SLC7A6OS: variants seen among roughly 807,000 people sequenced by gnomAD.
The protein encoded by SLC7A6OS is probable RNA polymerase II nuclear localization protein SLC7A6OS.
SLC7A6OS carries 22 observed loss-of-function variants against 34.3 expected under a neutral mutation model. That is an observed-to-expected ratio of 0.64 (90% CI 0.46 to 0.92). The LOEUF (loss-of-function observed/expected upper bound fraction) is 0.92, where lower values mean the gene tolerates loss of function less well. SLC7A6OS is among the 40% of genes least tolerant of loss of function. SLC7A6OS has a pLI of 0.00. For synonymous variants in SLC7A6OS, 199 were observed against 165.0 expected, an observed-to-expected ratio of 1.21 and a Z score of -1.58; for missense variants, 434 against 407.7, an observed-to-expected ratio of 1.06 and a Z score of -0.56.
At chr16:68,307,088 G>T (rs555318495) in intron 2 of SLC7A6OS, among the ~76,000 whole-genome samples, 1 of 152,280 alleles carries the variant, frequency 6.6e-6, no homozygotes, top group African/African-American at 2.4e-5. Flanking sequence ...ATGGTTATCA[G>T]TTCTAAGGGT....
chr16:68,301,239 G>A lies in SLC7A6OS; in HGVS notation c.*36C>T. 6.2e-7 allele frequency: 1 copy of A among 1,603,622 alleles called. No individual in the cohort carries two copies. Among genetic ancestry groups the A allele is most frequent in the Non-Finnish European group, 8.5e-7 (1 of 1,173,446 alleles). On this transcript the variant is annotated 3_prime_UTR_variant, in exon 5 of 5. Coordinates refer to ENST00000263997, the MANE Select transcript of SLC7A6OS (RefSeq NM_032178.3). ...TAACTCTGGACTCAGAGCCCTCAAG[G>A]GCATGTGGCAGAACCTCATGGACAT...
intron 4 of SLC7A6OS, 56 bp from the exon 5 acceptor site, chr16:68,301,461 G>T: frequency 6.6e-7 from 1 of 1,522,618 alleles, no homozygotes; most frequent in Non-Finnish European, 9.0e-7. Context: ...GCTACTGCAG[G>T]AGCCCCTTCT....
intron 2 of SLC7A6OS, among the ~76,000 whole-genome samples, chr16:68,305,300 T>C (rs1167373379): frequency 1.3e-5 from 2 of 152,178 alleles, no homozygotes; most frequent in African/African-American, 2.4e-5. Flanking sequence ...TGGCTTGCCA[T>C]ATATTGACAT....
rs754300004 is a variant in SLC7A6OS, at chr16:68,310,506, C to T, written c.300G>A (p.Glu100=). ...GGCTGGAAAGCACCCGGTAGCGGCC[C>T]TCCTGCCGGACCTCCCGAGCCGAGG... The part of the protein sequence containing the change: ...LRASAREVRQ[E]GRYRVLSSRR... The change falls in exon 2 of 5, where the codon GAG becomes GAA. Residue 100 remains glutamate, a synonymous_variant. Coordinates refer to ENST00000263997, the MANE Select transcript of SLC7A6OS (RefSeq NM_032178.3). 2 of 1,584,250 alleles carry T rather than the reference C, an allele frequency of 1.3e-6. No individual in the cohort carries two copies. The highest frequency in any genetic ancestry group is 4.7e-5 in the East Asian group (2 of 43,004).
intron 2 of SLC7A6OS, among the ~76,000 whole-genome samples, chr16:68,308,762 G>C (rs758036874): frequency 1.3e-5 from 2 of 151,720 alleles, no homozygotes; most frequent in African/African-American, 2.4e-5. Context: ...TATCAAGAGA[G>C]GGCATATTGG....
intron 2 of SLC7A6OS, among the ~76,000 whole-genome samples, chr16:68,309,371 A>T (rs568324549): frequency 2.0e-5 from 3 of 150,646 alleles, no homozygotes; most frequent in African/African-American, 4.9e-5. Flanking sequence ...GGAGTATTTT[A>T]TTTTTTTTTG....
chr16:68,310,423 G>T lies in SLC7A6OS; in HGVS notation c.383C>A (p.Pro128Gln), dbSNP rs767939983. The T allele has an allele frequency of 1.2e-6, 2 of 1,609,322 alleles. No homozygotes were observed. The highest frequency in any genetic ancestry group is 1.3e-5 in the African/African-American group (1 of 74,996). ...GQESEYTPGN[P>Q]EAAGNSGFQL... ...AAAGCCCGAGTTCCCGGCGGCTTCTGGGTTCCCCGGCGTGTACTCGGACTC... is the reference window on the plus strand; with the variant it reads ...AAAGCCCGAGTTCCCGGCGGCTTCTTGGTTCCCCGGCGTGTACTCGGACTC... Residue 128 changes from proline (P) to glutamine (Q), a missense_variant, in exon 2 of 5, where the codon CCA (proline) becomes CAA (glutamine). Physicochemically the swap from Pro to Gln is moderately conservative, Grantham distance 76. Coordinates refer to ENST00000263997, the MANE Select transcript of SLC7A6OS (RefSeq NM_032178.3).
intron 3 of SLC7A6OS, 152 bp from the exon 4 acceptor site, chr16:68,302,653 G>A: frequency 2.5e-6 from 2 of 810,998 alleles, no homozygotes; most frequent in South Asian, 1.6e-5. Flanking sequence ...TGCACAAGAG[G>A]CTATGAGAGG....
Position 68,298,059 on chromosome 16 carries a change from C to T in SLC7A6OS, c.*3216G>A, listed in dbSNP as rs1272097775. 6.6e-6 allele frequency: 1 copy of T among 152,604 alleles called. No individual in the cohort carries two copies. The highest frequency in any genetic ancestry group is 2.4e-5 in the African/African-American group (1 of 41,434). The allele number at this position is 152,604 out of a possible 1,614,324, so 9.5% of individuals were successfully genotyped here. ...TGAACCTTAAAGATTTTTTTACTCA[C>T]GTACCTGTTACACTTTAGCATACAG... On this transcript the variant is annotated 3_prime_UTR_variant, in exon 5 of 5. Coordinates refer to ENST00000263997, the MANE Select transcript of SLC7A6OS (RefSeq NM_032178.3).
Position 68,301,372 on chromosome 16 carries a change from T to G in SLC7A6OS, c.833A>C (p.Glu278Ala). Residue 278 changes from glutamate to alanine, a missense_variant, in exon 5 of 5, where the codon GAA (glutamate) becomes GCA (alanine). Coordinates refer to ENST00000263997, the MANE Select transcript of SLC7A6OS (RefSeq NM_032178.3). The stretch of plus-strand genomic sequence containing the variant: ...CATCCGCTGTCTGCTGCTGCCTCTT[T>G]CCTCCTCACTCAGGCTGTTGTAGTC... The part of the protein sequence containing the change: ...SADYNSLSEE[E>A]RGSSRQRMWS... The G allele has an allele frequency of 6.2e-7, 1 of 1,613,976 alleles. No individual in the cohort carries two copies. Among genetic ancestry groups the G allele is most frequent in the East Asian group, 2.2e-5 (1 of 44,876 alleles).
chr16:68,307,173 T>C (rs2043333506), intron 2 of SLC7A6OS, among the ~76,000 whole-genome samples: 2 of 152,244 alleles, frequency 1.3e-5, no homozygotes, highest in Admixed American at 6.5e-5. Context: ...GAATGTGCCA[T>C]TTCCTGCATT....
intron 2 of SLC7A6OS, among the ~76,000 whole-genome samples, chr16:68,307,373 G>A (rs961518250): frequency 8.5e-5 from 13 of 152,158 alleles, no homozygotes; most frequent in Non-Finnish European, 1.9e-4. Context: ...TCTTGGAGGT[G>A]AGACTACTAG....
intron 4 of SLC7A6OS, chr16:68,302,102 G>A (rs1027643951): frequency 2.0e-5 from 8 of 407,234 alleles, no homozygotes; most frequent in South Asian, 1.5e-4. Context: ...ATCTCATTTG[G>A]AGAGAAAATG....
rs565594369 is a variant in SLC7A6OS, at chr16:68,301,819, C to T, written c.800-414G>A. On this transcript the variant is annotated intron_variant, in intron 4 of 4. Coordinates refer to ENST00000263997, the MANE Select transcript of SLC7A6OS (RefSeq NM_032178.3). ...ACACCAATAAATTCTTTTTGTTGGG[C>T]CTTCTTCTCTCTTCTTTAATATAGT... is the stretch of plus-strand genomic sequence containing the variant. 125 of 159,632 alleles carry T rather than the reference C, an allele frequency of 7.8e-4. No homozygotes were observed. In the Middle Eastern group the frequency reaches 0.013, roughly 17 times the overall value. 9.9% of individuals were successfully genotyped at this position (159,632 alleles called of 1,614,324 possible). A position where few individuals can be genotyped will look rare whatever the true frequency, so the allele number is the denominator to read the frequency against.
At position 68,300,750 on chromosome 16, in the gene SLC7A6OS, A is replaced by T; in HGVS notation, c.*525T>A. 1.0e-6 allele frequency: 1 copy of T among 985,520 alleles called. No homozygotes were observed. The highest frequency in any genetic ancestry group is 1.2e-6 in the Non-Finnish European group (1 of 829,960). 61.0% of individuals were successfully genotyped at this position (985,520 alleles called of 1,614,324 possible). A position where few individuals can be genotyped will look rare whatever the true frequency, so the allele number is the denominator to read the frequency against. ...AGTTTGGAAGCAGAAATAGCTGTTA[A>T]CTAAAATCTCCCACTGCTCAGACTA... On this transcript the variant is annotated 3_prime_UTR_variant, in exon 5 of 5. Transcript: ENST00000263997.
chr16:68,301,217 C>T lies in SLC7A6OS; in HGVS notation c.*58G>A. Reference sequence around the variant, plus strand: ...AACAGGATGTCAGCAGGGCAGTTAACTCTGGACTCAGAGCCCTCAAGGGCA... The same window carrying T: ...AACAGGATGTCAGCAGGGCAGTTAATTCTGGACTCAGAGCCCTCAAGGGCA... On this transcript the variant is annotated 3_prime_UTR_variant, in exon 5 of 5. Transcript: ENST00000263997. 2 of 1,583,414 alleles carry T rather than the reference C, an allele frequency of 1.3e-6. No homozygotes were observed. The highest frequency in any genetic ancestry group is 1.7e-6 in the Non-Finnish European group (2 of 1,161,398).
intron 2 of SLC7A6OS, among the ~76,000 whole-genome samples, chr16:68,309,174 A>C (rs868207664): frequency 6.6e-6 from 1 of 151,826 alleles, no homozygotes; most frequent in African/African-American, 2.4e-5. Context: ...AGCTCACTGC[A>C]ATCTCTAATT....
chr16:68,299,439 C>T lies in SLC7A6OS; in HGVS notation c.*1836G>A, dbSNP rs1849961222. 1 of 152,600 alleles carries T rather than the reference C, an allele frequency of 6.6e-6. No homozygotes were observed. Among genetic ancestry groups the T allele is most frequent in the Admixed American group, 6.5e-5 (1 of 15,268 alleles). 9.5% of individuals were successfully genotyped at this position (152,600 alleles called of 1,614,324 possible). A position where few individuals can be genotyped will look rare whatever the true frequency, so the allele number is the denominator to read the frequency against. The stretch of plus-strand genomic sequence containing the variant: ...GCATTTTTCCCCTCTGTGCTGGATA[C>T]AGACTTCTCCCAGGATCCTCTCTTT... On this transcript the variant is annotated 3_prime_UTR_variant, in exon 5 of 5. Coordinates refer to ENST00000263997, the MANE Select transcript of SLC7A6OS (RefSeq NM_032178.3).
chr16:68,310,670 G>A (rs1486563475), intron 1 of SLC7A6OS, 57 bp from the exon 2 acceptor site: 1 of 1,580,880 alleles, frequency 6.3e-7, no homozygotes, highest in Non-Finnish European at 8.6e-7. Flanking sequence ...AGCGGGTCAG[G>A]GATCGGGTTT....
Sources: gnomAD v4.1 joint callset for allele counts (sites outside exome capture counted in the v4.1 genomes callset) on GRCh38, gnomAD v4.1.1 for gene constraint, MANE v1.5 for transcripts, NCBI Gene and HGNC (gene_info 2026-07-23, HGNC 2026-07-21) for gene names.